Variants in PTPRO observed in about 807,000 individuals in gnomAD.
The protein encoded by PTPRO is receptor-type tyrosine-protein phosphatase O.
In PTPRO, 62 loss-of-function variants were observed where a neutral mutation model predicts 145.2. The ratio of observed to expected loss-of-function variants is 0.43; its 90% CI spans 0.35 to 0.53. PTPRO has a LOEUF of 0.53. PTPRO is among the 20% of genes least tolerant of loss of function. The pLI, the probability that PTPRO is intolerant of heterozygous loss-of-function variation, is 0.01. For synonymous variants in PTPRO, 565 were observed against 514.7 expected (o/e 1.10, Z -1.32); for missense variants, 1,345 against 1,482.7 (o/e 0.91, Z 1.53).
intron 1 of PTPRO, among the ~76,000 whole-genome samples, chr12:15,331,962 C>CTTTTT (rs200334215): frequency 3.3e-3 from 387 of 118,178 alleles, no homozygotes; most frequent in Non-Finnish European, 4.9e-3. Context: ...CTCTTTCTTT[C>CTTTTT]TTTTTTTTTT....
chr12:15,546,363 T>A (rs1943288296), intron 12 of PTPRO: 1 of 1,405,668 alleles, frequency 7.1e-7, no homozygotes, highest in Non-Finnish European at 9.2e-7. Flanking sequence ...AGTAAAAAAA[T>A]GGAAGGGGGA....
Position 15,580,788 on chromosome 12 carries a change from C to G in PTPRO, c.3089C>G (p.Ser1030Cys). ...DFWKMVLQQKSQIIVMLTQCN... is the reference protein window; with the variant it reads ...DFWKMVLQQKCQIIVMLTQCN... ...TGGAAGATGGTCCTGCAACAAAAGT[C>G]TCAGATTATTGTCATGCTCACTCAG... The change falls in exon 22 of 27, where the codon TCT (serine) becomes TGT (cysteine). Residue 1030 changes from serine to cysteine, a missense_variant. Coordinates refer to ENST00000281171, the MANE Select transcript of PTPRO (RefSeq NM_030667.3). The G allele has an allele frequency of 6.2e-7, 1 of 1,613,994 alleles. No homozygotes were observed.
intron 6 of PTPRO, among the ~76,000 whole-genome samples, chr12:15,505,615 T>C (rs1942305667): frequency 6.6e-6 from 1 of 152,192 alleles, no homozygotes; most frequent in South Asian, 2.1e-4. Flanking sequence ...TCTGTGGTAA[T>C]GAGCTATTCA....
intron 1 of PTPRO, among the ~76,000 whole-genome samples, chr12:15,433,608 T>A (rs930708089): frequency 2.6e-5 from 4 of 152,232 alleles, no homozygotes; most frequent in Non-Finnish European, 5.9e-5. Flanking sequence ...ATTTATTGAA[T>A]AGGGAGTCTT....
At chr12:15,330,808 T>C (rs1866587629) in intron 1 of PTPRO, among the ~76,000 whole-genome samples, 1 of 152,228 alleles carries the variant, frequency 6.6e-6, no homozygotes, top group Non-Finnish European at 1.5e-5. Flanking sequence ...CCATGCTTAA[T>C]ACATTATTTC....
At chr12:15,470,179 T>C (rs1047262019) in intron 1 of PTPRO, among the ~76,000 whole-genome samples, 2 of 152,200 alleles carry the variant, frequency 1.3e-5, no homozygotes, top group African/African-American at 4.8e-5. Context: ...AGTACAGATA[T>C]GAAAGGTAGC....
intron 14 of PTPRO, among the ~76,000 whole-genome samples, chr12:15,550,261 G>C (rs1750797233): frequency 6.6e-6 from 1 of 152,126 alleles, no homozygotes; most frequent in African/African-American, 2.4e-5. Flanking sequence ...AAATGTTATT[G>C]AGAAAATCGT....
chr12:15,483,562 A>G (rs1206863802), intron 1 of PTPRO, among the ~76,000 whole-genome samples: 2 of 152,148 alleles, frequency 1.3e-5, no homozygotes, highest in African/African-American at 4.8e-5. Context: ...CACTCCCTCT[A>G]AAGTAAAAAG....
chr12:15,462,286 G>A (rs933749035), intron 1 of PTPRO, among the ~76,000 whole-genome samples: 1 of 152,056 alleles, frequency 6.6e-6, no homozygotes, highest in Non-Finnish European at 1.5e-5. Context: ...CACCATGCCC[G>A]ACTAATTTTG....
At chr12:15,569,383 A>C in intron 18 of PTPRO, 34 bp from the exon 19 acceptor site, 1 of 1,529,752 alleles carries the variant, frequency 6.5e-7, no homozygotes, top group African/African-American at 1.4e-5. Context: ...CAAGAATTTT[A>C]AAATGTATGT....
chr12:15,326,121 C>A (rs1170687036), intron 1 of PTPRO, among the ~76,000 whole-genome samples: 1 of 152,158 alleles, frequency 6.6e-6, no homozygotes, highest in Non-Finnish European at 1.5e-5. Context: ...TGTCTCCCCT[C>A]GCAACCCCAT....
chr12:15,532,988 A>G (rs1222638498), intron 12 of PTPRO, among the ~76,000 whole-genome samples: 1 of 152,212 alleles, frequency 6.6e-6, no homozygotes, highest in African/African-American at 2.4e-5. Context: ...TCAAAGTAGC[A>G]TTTAGTGGGC....
chr12:15,495,970 T>C (rs1942092337), intron 2 of PTPRO, among the ~76,000 whole-genome samples: 3 of 152,102 alleles, frequency 2.0e-5, no homozygotes, highest in Non-Finnish European at 4.4e-5. Flanking sequence ...TTTTTGTCCC[T>C]GACATCATTT....
rs759257779 is a variant in PTPRO at position 15,502,060 on chromosome 12, G to A, written c.1102G>A (p.Glu368Lys). Reference protein sequence around the residue: ...FDGFHIHIEREENFTEYLMVD... With the variant: ...FDGFHIHIERKENFTEYLMVD... ...TGGGTTCCATATCCATATTGAACGA[G>A]AAGGTAAAGCAGTAGGAAATCAGAG... Residue 368 changes from glutamate (E) to lysine (K), a missense_variant, in exon 5 of 27, where the codon GAA (glutamate) becomes AAA (lysine). By Grantham distance (56) the Glu-to-Lys change is moderately conservative (BLOSUM62 1). Coordinates refer to ENST00000281171, the MANE Select transcript of PTPRO (RefSeq NM_030667.3). 3.7e-6 allele frequency: 6 copies of A among 1,608,300 alleles called. No individual in the cohort carries two copies. Among genetic ancestry groups the A allele is most frequent in the Non-Finnish European group, 5.1e-6 (6 of 1,174,764 alleles).
chr12:15,515,347 C>A lies in PTPRO; in HGVS notation c.1465-151C>A, dbSNP rs1591673266. The A allele has an allele frequency of 5.9e-6, 6 of 1,025,626 alleles. No homozygotes were observed. In the South Asian group the frequency reaches 8.9e-5, roughly 15 times the overall value. 63.5% of individuals were successfully genotyped at this position (1,025,626 alleles called of 1,614,324 possible). A position where few individuals can be genotyped will look rare whatever the true frequency, so the allele number is the denominator to read the frequency against. On this transcript the variant is annotated intron_variant, in intron 7 of 26. Coordinates refer to ENST00000281171, the MANE Select transcript of PTPRO (RefSeq NM_030667.3). ...ATGTTCACATAAACTATAAATCATC[C>A]TAATTTTGGAATCTGACAGCTTCAG...
chr12:15,539,208 A>G (rs546070759), intron 12 of PTPRO, among the ~76,000 whole-genome samples: 2 of 151,720 alleles, frequency 1.3e-5, no homozygotes, highest in South Asian at 2.1e-4. Context: ...AGTAGGTACA[A>G]TGTATGTTAT....
chr12:15,581,868 G>C, intron 23 of PTPRO, 67 bp downstream of exon 23: 1 of 1,605,398 alleles, frequency 6.2e-7, no homozygotes. Flanking sequence ...GTTTGGTCGG[G>C]GAGACCCTAA....
intron 6 of PTPRO, 94 bp downstream of exon 6, chr12:15,504,163 C>G: frequency 7.4e-7 from 1 of 1,353,078 alleles, no homozygotes; most frequent in Non-Finnish European, 1.0e-6. Context: ...TATTCACAAA[C>G]CTTAGGGATG....
At chr12:15,527,875 A>ACCCCCCCCCCACCACCCC (rs1555173370) in intron 12 of PTPRO, among the ~76,000 whole-genome samples, 1 of 137,648 alleles carries the variant, frequency 7.3e-6, no homozygotes, top group African/African-American at 2.8e-5. Context: ...GGGAACTGTG[A>ACCCCCCCCCCACCACCCC]CCCGCCCACG....
Sources: allele counts gnomAD v4.1 joint callset (sites outside exome capture counted in the v4.1 genomes callset), GRCh38; gene constraint gnomAD v4.1.1; transcripts MANE v1.5; gene names NCBI Gene and HGNC (gene_info 2026-07-23, HGNC 2026-07-21).